Variants in PIK3R3 observed in about 807,000 individuals in gnomAD.
PIK3R3 encodes the protein phosphoinositide-3-kinase regulatory subunit 3, also known as phosphatidylinositol 3-kinase regulatory subunit gamma.
A neutral mutation model predicts 62.9 loss-of-function variants in PIK3R3; 64 were observed. The observed-to-expected ratio is 1.02, with a 90% confidence interval of 0.83 to 1.25. The LOEUF is 1.25. PIK3R3 is among the 50% of genes most tolerant of loss of function. The pLI, the probability that PIK3R3 is intolerant of heterozygous loss-of-function variation, is 0.00. For synonymous variants in PIK3R3, 165 were observed against 189.0 expected (o/e 0.87, Z 1.04); for missense variants, 614 against 561.6 (o/e 1.09, Z -0.94).
Position 46,132,190 on chromosome 1 carries a change from T to C in PIK3R3, c.-238A>G, listed in dbSNP as rs1655671948. 1.1e-5 allele frequency: 14 copies of C among 1,283,106 alleles called. 1 individual carries two copies. In the Admixed American group the frequency reaches 4.0e-4, roughly 37 times the overall value. 79.5% of individuals were successfully genotyped at this position (1,283,106 alleles called of 1,614,324 possible). ...CTATGGGCTTTTCTCCTCAGAGGATTACACAGAGGCTTGGGGGACGGAGAG... is the reference window on the plus strand; with the variant it reads ...CTATGGGCTTTTCTCCTCAGAGGATCACACAGAGGCTTGGGGGACGGAGAG... On this transcript the variant is annotated 5_prime_UTR_variant, in exon 1 of 10. Transcript: ENST00000262741.
At chr1:46,087,592 C>CTTTTTTTTTTT (rs35296719) in intron 1 of PIK3R3, among the ~76,000 whole-genome samples, 2 of 100,358 alleles carry the variant, frequency 2.0e-5, no homozygotes, top group Non-Finnish European at 3.9e-5. Flanking sequence ...ACATATTCAT[C>CTTTTTTTTTTT]TTTTTTTTTT....
chr1:46,156,809 C>T, the PIK3R3 span, among the ~76,000 whole-genome samples: 2 of 152,308 alleles, frequency 1.3e-5, no homozygotes, highest in East Asian at 1.9e-4. Context: ...GAAGCATGAT[C>T]GGCCATGAGT....
chr1:46,094,617 C>T (rs1198169761), intron 1 of PIK3R3, among the ~76,000 whole-genome samples: 1 of 152,252 alleles, frequency 6.6e-6, no homozygotes, highest in African/African-American at 2.4e-5. Context: ...CCAAACTTCA[C>T]TGACTATTTG....
the PIK3R3 span, among the ~76,000 whole-genome samples, chr1:46,144,144 G>A: frequency 6.6e-6 from 1 of 152,182 alleles, no homozygotes; most frequent in African/African-American, 2.4e-5. Flanking sequence ...AGGCTCTTCA[G>A]GGGTTTGGAC....
At position 46,055,842 on chromosome 1, in the gene PIK3R3, G is replaced by GA; in HGVS notation, c.893dup (p.Lys299GlnfsTer3). ...TTCGCAGCTGGATCAGGTCAGGTTTGATGCTATTCATTTTTTTATCTATTT... is the reference window on the plus strand; with the variant it reads ...TTCGCAGCTGGATCAGGTCAGGTTTGAATGCTATTCATTTTTTTATCTATTT... On this transcript the variant is annotated frameshift_variant, in exon 7 of 10. Coordinates refer to ENST00000262741, the MANE Select transcript of PIK3R3 (RefSeq NM_003629.4). LOFTEE classifies it high-confidence loss of function. 6.2e-7 allele frequency: 1 copy of GA among 1,609,304 alleles called. No individual in the cohort carries two copies. Among genetic ancestry groups the GA allele is most frequent in the Non-Finnish European group, 8.5e-7 (1 of 1,177,684 alleles).
chr1:46,148,858 C>T, the PIK3R3 span, among the ~76,000 whole-genome samples: 1 of 151,760 alleles, frequency 6.6e-6, no homozygotes, highest in Non-Finnish European at 1.5e-5. Flanking sequence ...CTCCATCAAC[C>T]TTTAGGCATT....
chr1:46,132,991 G>A (rs1425936010), upstream of PIK3R3: 6 of 1,082,330 alleles, frequency 5.5e-6, no homozygotes, highest in Non-Finnish European at 6.8e-6. Context: ...AGGGAGTGGG[G>A]CGAGGGAAGA....
intron 3 of PIK3R3, among the ~76,000 whole-genome samples, chr1:46,075,537 A>C (rs1359481638): frequency 1.3e-5 from 2 of 152,070 alleles, no homozygotes; most frequent in African/African-American, 4.8e-5. Context: ...TAGGAGGATC[A>C]CTTAGGCCTG....
chr1:46,121,991 C>T (rs1404018854), intron 1 of PIK3R3, among the ~76,000 whole-genome samples: 1 of 151,656 alleles, frequency 6.6e-6, no homozygotes, highest in Admixed American at 6.6e-5. Context: ...GCCCCAGATA[C>T]TTGGGAGGCT....
chr1:46,092,074 C>T (rs1213336385), intron 1 of PIK3R3, among the ~76,000 whole-genome samples: 2 of 152,174 alleles, frequency 1.3e-5, no homozygotes, highest in East Asian at 3.8e-4. Context: ...CCTATCCACC[C>T]TATCCTGATA....
the PIK3R3 span, among the ~76,000 whole-genome samples, chr1:46,161,109 A>AT: frequency 2.9e-4 from 43 of 149,326 alleles, no homozygotes; most frequent in African/African-American, 4.2e-4. Flanking sequence ...ATTTGCAAGG[A>AT]TTTTTTTTTT....
At chr1:46,073,182 C>A (rs1649707245) in intron 3 of PIK3R3, among the ~76,000 whole-genome samples, 1 of 152,124 alleles carries the variant, frequency 6.6e-6, no homozygotes, top group Non-Finnish European at 1.5e-5. Context: ...ATGAGTCAGA[C>A]TATTCTGACT....
the PIK3R3 span, among the ~76,000 whole-genome samples, chr1:46,156,249 A>T: frequency 7.1e-6 from 1 of 141,790 alleles, no homozygotes; most frequent in African/African-American, 2.5e-5. Context: ...TTTCCTGTTT[A>T]AAAAAAAAAT....
chr1:46,063,186 A>C (rs904066887), intron 5 of PIK3R3, among the ~76,000 whole-genome samples: 1 of 152,224 alleles, frequency 6.6e-6, no homozygotes, highest in Non-Finnish European at 1.5e-5. Context: ...GTGACACTTA[A>C]GCTAGGTCTT....
chr1:46,058,661 T>TA (rs1648177250), intron 6 of PIK3R3, among the ~76,000 whole-genome samples: 1 of 152,250 alleles, frequency 6.6e-6, no homozygotes, highest in Non-Finnish European at 1.5e-5. Flanking sequence ...ATGGACCCTG[T>TA]AGCCCCTTTG....
chr1:46,100,822 G>A (rs1222086445), intron 1 of PIK3R3, among the ~76,000 whole-genome samples: 2 of 152,120 alleles, frequency 1.3e-5, no homozygotes, highest in African/African-American at 4.8e-5. Context: ...ATCTTTTGCT[G>A]ATTTTGTTCA....
chr1:46,124,540 T>C (rs770258310), intron 1 of PIK3R3, among the ~76,000 whole-genome samples: 1 of 152,226 alleles, frequency 6.6e-6, no homozygotes, highest in Non-Finnish European at 1.5e-5. Flanking sequence ...CTCACACCTG[T>C]AATCCCAGCA....
chr1:46,098,726 C>G (rs1404366018), intron 1 of PIK3R3, among the ~76,000 whole-genome samples: 1 of 152,104 alleles, frequency 6.6e-6, no homozygotes, highest in Non-Finnish European at 1.5e-5. Context: ...TTTTTTGAGA[C>G]AGGATCTTAC....
chr1:46,174,440 A>G, the PIK3R3 span, among the ~76,000 whole-genome samples: 1 of 152,074 alleles, frequency 6.6e-6, no homozygotes. Context: ...ACATAAGCAC[A>G]ATTCACTTTC....
Sources: allele counts gnomAD v4.1 joint callset (sites outside exome capture counted in the v4.1 genomes callset), GRCh38; gene constraint gnomAD v4.1.1; transcripts MANE v1.5; gene names NCBI Gene and HGNC (gene_info 2026-07-23, HGNC 2026-07-21).